BACH1: variants seen among roughly 807,000 people sequenced by gnomAD.
BACH1 encodes the protein transcription regulator protein BACH1.
Under a neutral mutation model 52.9 loss-of-function variants are expected in BACH1, and 35 were observed. The observed-to-expected ratio is 0.66, with a 90% CI of 0.51 to 0.88. The LOEUF (loss-of-function observed/expected upper bound fraction) is 0.88, where lower values mean the gene tolerates loss of function less well. Ranked by LOEUF, BACH1 falls within the 40% of genes least tolerant of loss-of-function variation. The probability of loss-of-function intolerance (pLI) is 0.00; values close to 1 mark genes in which losing one functional copy is unlikely to be tolerated. For synonymous variants in BACH1, 321 were observed against 319.6 expected, an observed-to-expected ratio of 1.00 and a Z score of -0.05; for missense variants, 808 against 872.6, an observed-to-expected ratio of 0.93 and a Z score of 0.93.
At chr21:29,358,770 A>AAAAGAAAAG (rs1409780180) in intron 2 of BACH1, among the ~76,000 whole-genome samples, 1,251 of 108,894 alleles carry the variant, frequency 0.011, 16 homozygotes, top group Non-Finnish European at 0.017. Context: ...AAAAGAAAAG[A>AAAAGAAAAG]AAAGAAAGAA....
intron 1 of BACH1, among the ~76,000 whole-genome samples, chr21:29,315,544 A>G (rs1414453861): frequency 1.3e-5 from 2 of 152,216 alleles, no homozygotes; most frequent in Non-Finnish European, 2.9e-5. Context: ...GCTGCAGATC[A>G]GGGCACTGCT....
chr21:29,301,576 T>C (rs547968470), intron 1 of BACH1, among the ~76,000 whole-genome samples: 2 of 152,322 alleles, frequency 1.3e-5, no homozygotes, highest in East Asian at 3.8e-4. Flanking sequence ...GGGATGGAAA[T>C]ACAAAAAATA....
At chr21:29,357,466 G>A (rs115357487) in intron 2 of BACH1, among the ~76,000 whole-genome samples, 3,013 of 152,326 alleles carry the variant, frequency 0.02, 86 homozygotes, top group African/African-American at 0.068. Flanking sequence ...TGAAGCACCA[G>A]TCCCTCAATG....
chr21:29,325,989 T>C (rs1232430570), intron 2 of BACH1, 70 bp from the exon 3 acceptor site: 1 of 1,411,102 alleles, frequency 7.1e-7, no homozygotes, highest in Non-Finnish European at 9.5e-7. Context: ...ATTCCTCTTC[T>C]ACTTATTTTG....
intron 4 of BACH1, among the ~76,000 whole-genome samples, chr21:29,339,876 C>T (rs1314539548): frequency 6.6e-6 from 1 of 152,026 alleles, no homozygotes; most frequent in East Asian, 1.9e-4. Context: ...CCTCACATGA[C>T]CCGCCCACCT....
intron 1 of BACH1, among the ~76,000 whole-genome samples, chr21:29,303,909 A>G (rs1221268949): frequency 1.3e-5 from 2 of 152,194 alleles, no homozygotes; most frequent in Non-Finnish European, 2.9e-5. Flanking sequence ...GTTGTTAATG[A>G]CCAGTGTAGA....
chr21:29,348,796 C>G (rs1237181164), downstream of BACH1, among the ~76,000 whole-genome samples: 2 of 152,048 alleles, frequency 1.3e-5, no homozygotes, highest in Non-Finnish European at 2.9e-5. Flanking sequence ...GAGGAGGCGT[C>G]TTAAATCTAT....
At chr21:29,310,915 A>G (rs2088713994) in intron 1 of BACH1, among the ~76,000 whole-genome samples, 1 of 152,244 alleles carries the variant, frequency 6.6e-6, no homozygotes, top group South Asian at 2.1e-4. Flanking sequence ...GCAAAGAATT[A>G]TAGATCGAGG....
intron 1 of BACH1, among the ~76,000 whole-genome samples, chr21:29,317,656 A>T (rs995562713): frequency 7.9e-5 from 12 of 152,216 alleles, no homozygotes; most frequent in African/African-American, 2.2e-4. Context: ...TATGCCATTT[A>T]TTTGGAAGAT....
At chr21:29,307,604 A>G (rs1444262537) in intron 1 of BACH1, among the ~76,000 whole-genome samples, 1 of 152,206 alleles carries the variant, frequency 6.6e-6, no homozygotes, top group Admixed American at 6.5e-5. Context: ...ATTACAGTAT[A>G]TGGTTATAAT....
downstream of BACH1, among the ~76,000 whole-genome samples, chr21:29,349,510 C>A (rs912303016): frequency 9.2e-5 from 14 of 152,296 alleles, no homozygotes; most frequent in African/African-American, 3.1e-4. Context: ...CCGGCGGCTG[C>A]TGCCCACATT....
intron 4 of BACH1, among the ~76,000 whole-genome samples, chr21:29,339,398 T>C (rs918614626): frequency 7.2e-5 from 11 of 152,158 alleles, no homozygotes; most frequent in Non-Finnish European, 1.5e-5. Flanking sequence ...CTCAGTGCCA[T>C]TTGCAGATTT....
At chr21:29,330,966 A>C (rs937614294) in intron 4 of BACH1, among the ~76,000 whole-genome samples, 7 of 151,714 alleles carry the variant, frequency 4.6e-5, no homozygotes, top group South Asian at 2.1e-4. Flanking sequence ...AAAAAAAAAA[A>C]CAAAAAACCC....
At chr21:29,336,363 G>A (rs1211173901) in intron 4 of BACH1, among the ~76,000 whole-genome samples, 7 of 152,160 alleles carry the variant, frequency 4.6e-5, no homozygotes, top group African/African-American at 1.7e-4. Context: ...GTGTCGCCTA[G>A]GGAGGCAGGA....
intron 2 of BACH1, among the ~76,000 whole-genome samples, chr21:29,356,647 C>G (rs148808503): frequency 0.012 from 1,759 of 152,312 alleles, 34 homozygotes; most frequent in African/African-American, 0.04. Flanking sequence ...AGGAAACCTG[C>G]TGGGTTAAGG....
intron 2 of BACH1, among the ~76,000 whole-genome samples, chr21:29,353,259 T>C (rs561840378): frequency 1.3e-5 from 2 of 152,250 alleles, no homozygotes; most frequent in South Asian, 4.1e-4. Flanking sequence ...TTTGGCTAAG[T>C]TGTAAGTAAA....
Position 29,326,346 on chromosome 21 carries a change from G to C in BACH1, c.522G>C (p.Leu174=), listed in dbSNP as rs780500015. 6.2e-7 allele frequency: 1 copy of C among 1,614,144 alleles called. No individual in the cohort carries two copies. The highest frequency in any genetic ancestry group is 8.5e-7 in the Non-Finnish European group (1 of 1,180,010). ...AAACTGATGAAGTGGAGGAATTTCT[G>C]GAAAATAAAAATGTTCAGACTCCTC... ...DLETDEVEEF[L]ENKNVQTPQC... The change falls in exon 3 of 5, where the codon CTG becomes CTC. Residue 174 remains leucine (L), a synonymous_variant. Transcript: ENST00000286800.
chr21:29,324,556 TTGTGTGTGTGTGTGTGTGTGTGTG>T (rs59785894), intron 2 of BACH1, among the ~76,000 whole-genome samples: 2 of 145,222 alleles, frequency 1.4e-5, no homozygotes, highest in African/African-American at 2.5e-5. Context: ...TGGATGTACC[TTGTGTGTGTGTGTGTGTGTGTGTG>T]TGTGTGTGTG....
Position 29,342,657 on chromosome 21 carries a change from G to GT in BACH1, c.2036dup (p.Leu680AlafsTer10). 6.2e-7 allele frequency: 1 copy of GT among 1,614,218 alleles called. No homozygotes were observed. Among genetic ancestry groups the GT allele is most frequent in the Non-Finnish European group, 8.5e-7 (1 of 1,180,040 alleles). On this transcript the variant is annotated frameshift_variant, in exon 5 of 5. Coordinates refer to ENST00000286800, the MANE Select transcript of BACH1 (RefSeq NM_001186.4). LOFTEE classifies it low-confidence loss of function (END_TRUNC). ...CAGTTTATCTGACCGGCCTCCAGCA[G>GT]TGCTGCCTCCCTGTGCCAGAGGAAA...
Sources: allele counts gnomAD v4.1 joint callset (sites outside exome capture counted in the v4.1 genomes callset), GRCh38; gene constraint gnomAD v4.1.1; transcripts MANE v1.5; gene names NCBI Gene and HGNC (gene_info 2026-07-23, HGNC 2026-07-21).